The following COL4A6 variants were observed in gnomAD, a reference collection of about 807,000 sequenced individuals.
The protein encoded by COL4A6 is collagen alpha-6(IV) chain.
COL4A6 carries 59 observed loss-of-function variants against 126.7 expected under a neutral mutation model. That is an observed-to-expected ratio of 0.47 (90% CI 0.38 to 0.58). The LOEUF (loss-of-function observed/expected upper bound fraction) is 0.58. Among genes scored for constraint, COL4A6 ranks in the 20% least tolerant of loss-of-function variants. The probability of loss-of-function intolerance (pLI) is 0.00; values close to 1 mark genes in which losing one functional copy is unlikely to be tolerated. For synonymous variants in COL4A6, 547 were observed against 496.6 expected, an observed-to-expected ratio of 1.10 and a Z score of -1.35; for missense variants, 1,285 against 1,337.3, an observed-to-expected ratio of 0.96 and a Z score of 0.61.
At chrX:108,354,425 C>A (rs945679064) in intron 2 of COL4A6, among the ~76,000 whole-genome samples, 1 of 111,523 alleles carries the variant, frequency 9.0e-6, no homozygotes, top group Non-Finnish European at 1.9e-5. Flanking sequence ...TTTCTTTCCA[C>A]AAGTCCCATT....
At chrX:108,215,207 G>C (rs900506455) in intron 5 of COL4A6, among the ~76,000 whole-genome samples, 4 of 112,203 alleles carry the variant, frequency 3.6e-5, no homozygotes, top group African/African-American at 1.3e-4. Context: ...TTCTTATAGA[G>C]AAAATATTCT....
chrX:108,416,961 A>C (rs2041447556), intron 2 of COL4A6, among the ~76,000 whole-genome samples: 1 of 112,258 alleles, frequency 8.9e-6, no homozygotes, highest in African/African-American at 3.2e-5. Context: ...TTGATGAATT[A>C]AGAAATATTT....
intron 44 of COL4A6, 30 bp downstream of exon 44, chrX:108,159,432 A>G: frequency 8.3e-7 from 1 of 1,206,950 alleles, no homozygotes; most frequent in South Asian, 1.8e-5. Flanking sequence ...TTTGCCTCCA[A>G]CTGGGGGAGG....
intron 3 of COL4A6, among the ~76,000 whole-genome samples, chrX:108,255,794 TAAC>T (rs1055508334): frequency 9.0e-6 from 1 of 111,651 alleles, no homozygotes; most frequent in Non-Finnish European, 1.9e-5. Flanking sequence ...ATCTGTGCTA[TAAC>T]AACATATACC....
intron 2 of COL4A6, among the ~76,000 whole-genome samples, chrX:108,423,485 T>C (rs1016108590): frequency 3.6e-5 from 4 of 111,786 alleles, no homozygotes; most frequent in Non-Finnish European, 5.6e-5. Flanking sequence ...CACAAAAAAG[T>C]TAAGATGACT....
At chrX:108,170,502 C>T in intron 35 of COL4A6, 107 bp downstream of exon 35, 1 of 637,824 alleles carries the variant, frequency 1.6e-6, no homozygotes, top group South Asian at 2.4e-5. Flanking sequence ...TCCAATGACT[C>T]CTGTAGGCAT....
chrX:108,227,751 A>G lies in COL4A6; in HGVS notation c.145-6377T>C, dbSNP rs752717582. On this transcript the variant is annotated intron_variant, in intron 3 of 44. Transcript: ENST00000334504. Reference sequence around the variant, plus strand: ...TGGTAAATGTTTCTTCTCAGACGTAAAGAGTCTGTTCTATCAGTAACTCCA... The same window carrying G: ...TGGTAAATGTTTCTTCTCAGACGTAGAGAGTCTGTTCTATCAGTAACTCCA... Among the ~76,000 whole-genome samples the G allele has an allele frequency of 5.4e-5, 6 of 111,812 alleles. No homozygotes were observed. In the South Asian group the frequency reaches 2.3e-3, roughly 43 times the overall value.
intron 2 of COL4A6, among the ~76,000 whole-genome samples, chrX:108,357,511 A>G (rs1263056568): frequency 1.8e-5 from 2 of 111,357 alleles, no homozygotes; most frequent in African/African-American, 3.3e-5. Context: ...GTGATAACAC[A>G]TAGATAGATG....
In COL4A6 at chrX:108,172,041, TCCGCTAC is replaced by T. The variant is rs2034319693; in HGVS notation, c.3202+421_3202+427del. Among the ~76,000 whole-genome samples, 6 of 111,790 alleles carry T rather than the reference TCCGCTAC, an allele frequency of 5.4e-5. No homozygotes were observed. In the South Asian group the frequency reaches 2.3e-3, roughly 42 times the overall value. On this transcript the variant is annotated intron_variant, in intron 32 of 44. Transcript: ENST00000334504. ...TTGACTTTCCCCTAAACACAGACTCTCCGCTACCCTCGCAAGAGACCCTTGGGATGGC... is the reference window on the plus strand; with the variant it reads ...TTGACTTTCCCCTAAACACAGACTCTCCTCGCAAGAGACCCTTGGGATGGC...
chrX:108,403,505 T>C (rs1028806826), intron 2 of COL4A6, among the ~76,000 whole-genome samples: 27 of 110,660 alleles, frequency 2.4e-4, no homozygotes, highest in African/African-American at 7.9e-4. Flanking sequence ...ATCCCCATTG[T>C]AGATAATTCT....
intron 2 of COL4A6, among the ~76,000 whole-genome samples, chrX:108,405,102 T>G (rs999902420): frequency 8.9e-6 from 1 of 112,085 alleles, no homozygotes; most frequent in Non-Finnish European, 1.9e-5. Flanking sequence ...GCTCAGTCTA[T>G]TCCTTATCCT....
intron 23 of COL4A6, among the ~76,000 whole-genome samples, chrX:108,183,360 G>T (rs901839450): frequency 8.9e-6 from 1 of 112,126 alleles, no homozygotes; most frequent in Non-Finnish European, 1.9e-5. Context: ...GTTCAGACAT[G>T]TGTGGATCCT....
chrX:108,272,642 A>G (rs2037484795), intron 3 of COL4A6, among the ~76,000 whole-genome samples: 1 of 111,491 alleles, frequency 9.0e-6, no homozygotes, highest in African/African-American at 3.3e-5. Context: ...AAGCAGTAGG[A>G]TTCCCAGTCT....
chrX:108,319,449 C>G (rs1282481262), intron 2 of COL4A6, among the ~76,000 whole-genome samples: 2 of 111,952 alleles, frequency 1.8e-5, no homozygotes, highest in Non-Finnish European at 3.8e-5. Flanking sequence ...AGCACTGAAG[C>G]ATGTCAGTGT....
At chrX:108,249,166 C>G (rs1423823860) in intron 3 of COL4A6, among the ~76,000 whole-genome samples, 1 of 110,787 alleles carries the variant, frequency 9.0e-6, no homozygotes, top group Non-Finnish European at 1.9e-5. Context: ...ACCACCCCAC[C>G]CCTGGTCTGT....
chrX:108,418,495 G>A (rs1232934560), intron 2 of COL4A6, among the ~76,000 whole-genome samples: 2 of 110,641 alleles, frequency 1.8e-5, no homozygotes, highest in Non-Finnish European at 3.8e-5. Flanking sequence ...AATTTTCCAC[G>A]AGAAAAAAAA....
chrX:108,297,285 C>A (rs1347189068), intron 3 of COL4A6, among the ~76,000 whole-genome samples: 2 of 111,582 alleles, frequency 1.8e-5, no homozygotes, highest in African/African-American at 3.3e-5. Context: ...ATCTTAACAA[C>A]CCTGAAAGAT....
At chrX:108,259,342 A>G (rs940667656) in intron 3 of COL4A6, among the ~76,000 whole-genome samples, 5 of 111,822 alleles carry the variant, frequency 4.5e-5, no homozygotes, top group African/African-American at 1.6e-4. Flanking sequence ...TGACCACCCC[A>G]CAAATAAATA....
At chrX:108,354,716 A>G (rs1163014578) in intron 2 of COL4A6, among the ~76,000 whole-genome samples, 2 of 108,017 alleles carry the variant, frequency 1.9e-5, no homozygotes, top group Non-Finnish European at 1.9e-5. Flanking sequence ...AATTTCCTGA[A>G]CAGAGTTCTG....
Sources: gnomAD v4.1 joint callset for allele counts (sites outside exome capture counted in the v4.1 genomes callset) on GRCh38, gnomAD v4.1.1 for gene constraint, MANE v1.5 for transcripts, NCBI Gene and HGNC (gene_info 2026-07-23, HGNC 2026-07-21) for gene names.